SLC44A3: variants seen among roughly 807,000 people sequenced by gnomAD.
SLC44A3 encodes the protein solute carrier family 44 member 3, also known as choline transporter-like protein 3.
SLC44A3 carries 74 observed loss-of-function variants against 75.4 expected under a neutral mutation model. The ratio of observed to expected loss-of-function variants is 0.98; its 90% CI spans 0.81 to 1.19. The LOEUF is 1.19. SLC44A3 is among the 50% of genes most tolerant of loss of function. The pLI is 0.00. For missense variants in SLC44A3, 700 were observed against 778.6 expected (o/e 0.90, Z 1.20); for synonymous variants, 310 against 296.9 (o/e 1.04, Z -0.45).
intron 12 of SLC44A3, among the ~76,000 whole-genome samples, chr1:94,875,179 A>C (rs539460224): frequency 6.6e-6 from 1 of 152,296 alleles, no homozygotes; most frequent in Non-Finnish European, 1.5e-5. Context: ...TGCTCCCTCC[A>C]AATTTGCCCA....
intron 12 of SLC44A3, chr1:94,889,468 T>G (rs371321773): frequency 6.6e-6 from 1 of 151,604 alleles, no homozygotes; most frequent in African/African-American, 2.4e-5. Flanking sequence ...AATGTAGTCA[T>G]AAGGGGAAGG....
chr1:94,890,992 A>G (rs1056601046), intron 12 of SLC44A3, 138 bp from the exon 13 acceptor site: 1 of 617,266 alleles, frequency 1.6e-6, no homozygotes, highest in Non-Finnish European at 2.6e-6. Context: ...ACTGGAAAGG[A>G]CTTTGAAAAT....
chr1:94,870,215 C>T (rs375937215), intron 12 of SLC44A3, among the ~76,000 whole-genome samples: 3 of 152,210 alleles, frequency 2.0e-5, no homozygotes, highest in Admixed American at 6.5e-5. Flanking sequence ...CTCACACATG[C>T]GTTCATCCAG....
chr1:94,860,194 G>A (rs1474967132), intron 10 of SLC44A3, among the ~76,000 whole-genome samples: 3 of 152,172 alleles, frequency 2.0e-5, no homozygotes, highest in Non-Finnish European at 4.4e-5. Flanking sequence ...AGAGAACAAA[G>A]ATGTATTGCT....
At chr1:94,860,100 A>C (rs1032477034) in intron 10 of SLC44A3, among the ~76,000 whole-genome samples, 3 of 152,224 alleles carry the variant, frequency 2.0e-5, no homozygotes, top group Non-Finnish European at 2.9e-5. Context: ...AGAGATCAAA[A>C]TGAACAAATA....
intron 2 of SLC44A3, 114 bp downstream of exon 2, chr1:94,821,170 AC>A: frequency 1.3e-6 from 1 of 797,332 alleles, no homozygotes; most frequent in Non-Finnish European, 2.0e-6. Context: ...TCTGCCGTTA[AC>A]CCACAATAAA....
At chr1:94,869,925 T>C (rs1257939172) in intron 12 of SLC44A3, among the ~76,000 whole-genome samples, 1 of 152,118 alleles carries the variant, frequency 6.6e-6, no homozygotes, top group African/African-American at 2.4e-5. Context: ...GAGAATGAGA[T>C]CCATTTGTTA....
At chr1:94,837,585 C>A in intron 5 of SLC44A3, 126 bp from the exon 6 acceptor site, 1 of 828,574 alleles carries the variant, frequency 1.2e-6, no homozygotes, top group Non-Finnish European at 1.7e-6. Flanking sequence ...CTGCAAATGG[C>A]ATGCTAGACG....
intron 1 of SLC44A3, 37 bp downstream of exon 1, chr1:94,820,515 C>A: frequency 6.7e-7 from 1 of 1,486,326 alleles, no homozygotes; most frequent in East Asian, 2.7e-5. Flanking sequence ...GGGGAGGAGC[C>A]CCGGGGAAGG....
intron 10 of SLC44A3, among the ~76,000 whole-genome samples, chr1:94,862,584 G>A (rs1666704176): frequency 6.6e-6 from 1 of 152,190 alleles, no homozygotes; most frequent in South Asian, 2.1e-4. Context: ...GGCACCATTA[G>A]CACTCAAAGC....
chr1:94,882,323 G>T (rs1206334320), intron 12 of SLC44A3, among the ~76,000 whole-genome samples: 1 of 152,196 alleles, frequency 6.6e-6, no homozygotes, highest in African/African-American at 2.4e-5. Flanking sequence ...CCAAGGATAA[G>T]TGTAAAGAGG....
rs1389898368 is a variant in SLC44A3, at chr1:94,847,006, G to A, written c.1072+1542G>A. ...GAGGCCTATGTTTCCACCTTCAGAG[G>A]TGCATAGGGGCAGTCTTCTACTAGG... is the stretch of plus-strand genomic sequence containing the variant. On this transcript the variant is annotated intron_variant, in intron 9 of 14. Coordinates refer to ENST00000271227, the MANE Select transcript of SLC44A3 (RefSeq NM_001114106.3). Among the ~76,000 whole-genome samples the A allele has an allele frequency of 2.6e-5, 4 of 152,260 alleles. No individual in the cohort carries two copies. The East Asian group carries it at 7.7e-4, about 29-fold the overall frequency.
intron 12 of SLC44A3, among the ~76,000 whole-genome samples, chr1:94,878,749 TGAACAGA>T (rs1191217245): frequency 6.6e-6 from 1 of 152,184 alleles, no homozygotes; most frequent in Non-Finnish European, 1.5e-5. Context: ...ATAGACCATG[TGAACAGA>T]ATAGGAAGCA....
rs1670610578 is a variant in SLC44A3, at chr1:94,894,918, G to C, written c.1958G>C (p.Arg653Thr). 3 of 1,607,784 alleles carry C rather than the reference G, an allele frequency of 1.9e-6. No individual in the cohort carries two copies. In the East Asian group the frequency reaches 6.8e-5, roughly 36 times the overall value. ...GGAACAGAACTCCAGGCCATTGTGA[G>C]ATAGATACCCATTTAGGTATCTGTA... ...EEGTELQAIV[R>T] The change falls in exon 15 of 15, where the codon AGA becomes ACA. Residue 653 changes from arginine to threonine, a missense_variant. Arg to Thr is a moderately conservative substitution (Grantham distance 71). Coordinates refer to ENST00000271227, the MANE Select transcript of SLC44A3 (RefSeq NM_001114106.3).
chr1:94,831,348 A>T (rs1662100069), intron 5 of SLC44A3, among the ~76,000 whole-genome samples: 2 of 152,238 alleles, frequency 1.3e-5, no homozygotes, highest in African/African-American at 4.8e-5. Context: ...GAAAATGATC[A>T]TATTTATCAT....
chr1:94,854,725 G>C (rs3842968), intron 9 of SLC44A3, among the ~76,000 whole-genome samples: 101,191 of 145,334 alleles, frequency 0.7, 35,593 homozygotes, highest in South Asian at 0.81. Flanking sequence ...CAAGCCCCCC[G>C]CGCCCCCCGG....
chr1:94,858,244 C>T (rs1666147050), intron 10 of SLC44A3, among the ~76,000 whole-genome samples: 1 of 152,114 alleles, frequency 6.6e-6, no homozygotes, highest in African/African-American at 2.4e-5. Flanking sequence ...TCAGTTTGTC[C>T]TCTGCAAAAT....
chr1:94,865,617 C>A (rs1278957499), intron 11 of SLC44A3, among the ~76,000 whole-genome samples: 3 of 152,160 alleles, frequency 2.0e-5, no homozygotes, highest in Non-Finnish European at 4.4e-5. Flanking sequence ...AACAGCTGTT[C>A]TCATGGTATT....
rs1660489645 is a variant in SLC44A3 at position 94,820,964 on chromosome 1, GCC to G, written c.46_47del (p.Pro16Ter). 2 of 1,551,190 alleles carry G rather than the reference GCC, an allele frequency of 1.3e-6. No homozygotes were observed. The highest frequency in any genetic ancestry group is 4.9e-5 in the East Asian group (2 of 40,914). Reference protein sequence around the residue: ...GAEYLVSAEGAPRQREWRPQI... With the variant: ...GAEYLVSAEGXPRQREWRPQI... ...TTTCTGGAAGGTTTCTGCAGAAGGA[GCC>G]CCTAGGCAAAGGGAGTGGCGACCCC... On this transcript the variant is annotated frameshift_variant, in exon 2 of 15. Coordinates refer to ENST00000271227, the MANE Select transcript of SLC44A3 (RefSeq NM_001114106.3). LOFTEE classifies it high-confidence loss of function.
Sources: gnomAD v4.1 joint callset for allele counts (sites outside exome capture counted in the v4.1 genomes callset) on GRCh38, gnomAD v4.1.1 for gene constraint, MANE v1.5 for transcripts, NCBI Gene and HGNC (gene_info 2026-07-23, HGNC 2026-07-21) for gene names.